The following EIF3L variants were observed in gnomAD, a reference collection of about 807,000 sequenced individuals.
EIF3L encodes eIEF associated protein HSPC021.
EIF3L carries 32 observed loss-of-function variants against 74.6 expected under a neutral mutation model. That is an observed-to-expected ratio of 0.43 (90% CI 0.32 to 0.58). The LOEUF (loss-of-function observed/expected upper bound fraction) is 0.58, where lower values mean the gene tolerates loss of function less well. EIF3L is among the 20% of genes least tolerant of loss of function. The pLI is 0.06. For synonymous variants in EIF3L, 256 were observed against 254.4 expected (o/e 1.01, Z -0.06); for missense variants, 474 against 707.8 (o/e 0.67, Z 3.75).
rs934266268 is a variant in EIF3L, at chr22:37,856,844, C to CA, written c.373+1213dup. The stretch of plus-strand genomic sequence containing the variant: ...GGGCAACAAGAGCGAAACTCCGCCT[C>CA]AAAAAAAAAAAAAGAAAGAAAGAAA... On this transcript the variant is annotated intron_variant, in intron 4 of 12. Coordinates refer to ENST00000652021, the MANE Select transcript of EIF3L (RefSeq NM_016091.4). Among the ~76,000 whole-genome samples the CA allele has an allele frequency of 5.3e-3, 586 of 110,778 alleles. 3 individuals carry two copies. The highest frequency in any genetic ancestry group is 0.013 in the African/African-American group (403 of 30,530). 72.7% of individuals were successfully genotyped at this position (110,778 alleles called of 152,430 possible).
At chr22:37,859,214 G>C (rs1196152472) in intron 5 of EIF3L, among the ~76,000 whole-genome samples, 1 of 151,690 alleles carries the variant, frequency 6.6e-6, no homozygotes, top group Non-Finnish European at 1.5e-5. Context: ...GAGGTGCCAA[G>C]AGGTTACCTT....
chr22:37,855,821 A>G (rs985430162), intron 4 of EIF3L, among the ~76,000 whole-genome samples, 177 bp downstream of exon 4: 7 of 152,114 alleles, frequency 4.6e-5, no homozygotes, highest in African/African-American at 1.7e-4. Flanking sequence ...TTAAGAGAGG[A>G]CAGAGATCTC....
At chr22:37,866,005 G>T (rs924168314) in intron 7 of EIF3L, among the ~76,000 whole-genome samples, 2 of 152,192 alleles carry the variant, frequency 1.3e-5, no homozygotes, top group African/African-American at 4.8e-5. Context: ...GCCACATGGG[G>T]TAGGTGGCTC....
At chr22:37,873,824 A>G (rs1926607536) in intron 8 of EIF3L, among the ~76,000 whole-genome samples, 2 of 152,122 alleles carry the variant, frequency 1.3e-5, no homozygotes, top group Admixed American at 6.6e-5. Flanking sequence ...CGGCCTCTCA[A>G]GTTGCTGGGA....
chr22:37,880,786 G>C (rs1927010015), intron 11 of EIF3L: 1 of 152,168 alleles, frequency 6.6e-6, no homozygotes, highest in South Asian at 2.1e-4. Context: ...GTCCTGTCCT[G>C]ATGTCTAACA....
intron 4 of EIF3L, among the ~76,000 whole-genome samples, chr22:37,857,608 G>T (rs899114917): frequency 8.6e-5 from 13 of 151,050 alleles, no homozygotes; most frequent in Non-Finnish European, 1.8e-4. Context: ...GCAGTGGCGC[G>T]ATCTCTGCTC....
At chr22:37,867,911 C>T (rs374062447) in intron 7 of EIF3L, among the ~76,000 whole-genome samples, 17 of 144,858 alleles carry the variant, frequency 1.2e-4, no homozygotes, top group African/African-American at 4.1e-4. Flanking sequence ...GCCGAGATTG[C>T]ACCACTGCAC....
chr22:37,852,427 A>G (rs2146010342), intron 3 of EIF3L, among the ~76,000 whole-genome samples: 1 of 152,320 alleles, frequency 6.6e-6, no homozygotes, highest in South Asian at 2.1e-4. Context: ...TATCAGAGCA[A>G]GCTGAACTCC....
At chr22:37,874,679 G>A (rs1171561586) in intron 9 of EIF3L, among the ~76,000 whole-genome samples, 155 bp downstream of exon 9, 1 of 152,130 alleles carries the variant, frequency 6.6e-6, no homozygotes, top group Non-Finnish European at 1.5e-5. Context: ...AACAGCTGTG[G>A]TAAAAAGCTA....
At position 37,865,028 on chromosome 22, in the gene EIF3L, A is replaced by G. The variant is rs141286112; in HGVS notation, c.579+1683A>G. Among the ~76,000 whole-genome samples the G allele has an allele frequency of 5.3e-5, 8 of 152,290 alleles. No individual in the cohort carries two copies. In the East Asian group the frequency reaches 1.5e-3, roughly 29 times the overall value. ...TGCCTGTTGATTGTGATGATGTTCA[A>G]TGTCATCATTATTCTTTTCCATCTT... On this transcript the variant is annotated intron_variant, in intron 7 of 12. Transcript: ENST00000652021.
chr22:37,849,470 T>G lies in EIF3L; in HGVS notation c.21T>G (p.Asp7Glu). MSYPAD[D>E]YESEAAYDPY... ...CAGCCATGTCTTATCCCGCTGATGA[T>G]TATGAGTCTGAGGTAAGGTGGCCGT... The change falls in exon 1 of 13, where the codon GAT becomes GAG. Residue 7 changes from aspartate (D) to glutamate (E), a missense_variant. By Grantham distance (45) the Asp-to-Glu change is conservative. Around this residue, in one of 4 missense-constraint regions of EIF3L, gnomAD observed 39 missense variants for 24.2 expected, o/e 1.61. Transcript: ENST00000652021. 1 of 1,610,562 alleles carries G rather than the reference T, an allele frequency of 6.2e-7. No homozygotes were observed. The highest frequency in any genetic ancestry group is 2.2e-5 in the East Asian group (1 of 44,528).
At chr22:37,866,672 G>T (rs2145819066) in intron 7 of EIF3L, among the ~76,000 whole-genome samples, 2 of 152,224 alleles carry the variant, frequency 1.3e-5, no homozygotes, top group Middle Eastern at 3.4e-3. Context: ...TGTAATCCCA[G>T]CTATTTAGGA....
chr22:37,874,316 T>C, intron 8 of EIF3L, 54 bp from the exon 9 acceptor site: 1 of 1,575,260 alleles, frequency 6.3e-7, no homozygotes, highest in Non-Finnish European at 8.6e-7. Context: ...AGAGGTCAGG[T>C]GTGCCTGCCT....
At chr22:37,858,790 CTG>C (rs772103877) in intron 5 of EIF3L, 50 bp downstream of exon 5, 209 of 1,510,302 alleles carry the variant, frequency 1.4e-4, no homozygotes, top group Non-Finnish European at 1.8e-4. Flanking sequence ...TTTTTTAACT[CTG>C]TGCTGTTTTT....
At chr22:37,870,538 T>C (rs1926414862) in intron 8 of EIF3L, among the ~76,000 whole-genome samples, 191 bp downstream of exon 8, 1 of 151,950 alleles carries the variant, frequency 6.6e-6, no homozygotes, top group Non-Finnish European at 1.5e-5. Context: ...GGCTTGGGAG[T>C]CCATTGGCCA....
chr22:37,849,475 A>T lies in EIF3L; in HGVS notation c.26A>T (p.Glu9Val). 1 of 1,606,538 alleles carries T rather than the reference A, an allele frequency of 6.2e-7. No homozygotes were observed. Among genetic ancestry groups the T allele is most frequent in the Non-Finnish European group, 8.5e-7 (1 of 1,175,160 alleles). Residue 9 changes from glutamate (E) to valine (V), a missense_variant, in exon 1 of 13, where the codon GAG becomes GTG. Physicochemically the swap from Glu to Val is moderately radical, Grantham distance 121. Coordinates refer to ENST00000652021, the MANE Select transcript of EIF3L (RefSeq NM_016091.4). MSYPADDY[E>V]SEAAYDPYAY... Reference sequence around the variant, plus strand: ...ATGTCTTATCCCGCTGATGATTATGAGTCTGAGGTAAGGTGGCCGTAAGGG... The same window carrying T: ...ATGTCTTATCCCGCTGATGATTATGTGTCTGAGGTAAGGTGGCCGTAAGGG...
Position 37,863,346 on chromosome 22 carries a change from G to T in EIF3L, c.579+1G>T, listed in dbSNP as rs113036185. ...TATTATCGATGAGTTCATCTACCAG[G>T]TATCTGGTCAGCTTCAGCCTAATTT... On this transcript the variant is annotated splice_donor_variant, in intron 7 of 12. Coordinates refer to ENST00000652021, the MANE Select transcript of EIF3L (RefSeq NM_016091.4). LOFTEE classifies it high-confidence loss of function. The T allele has an allele frequency of 6.2e-7, 1 of 1,609,588 alleles. No individual in the cohort carries two copies. Among genetic ancestry groups the T allele is most frequent in the Non-Finnish European group, 8.5e-7 (1 of 1,176,420 alleles).
chr22:37,851,422 G>T lies in EIF3L; in HGVS notation c.225G>T (p.Gln75His). ...DLIDQKVYEL[Q>H]ASRVSSDVID... Reference sequence around the variant, plus strand: ...TTGACCAGAAAGTGTATGAGCTACAGGCCAGTCGTGTCTCCAGTGATGTCA... The same window carrying T: ...TTGACCAGAAAGTGTATGAGCTACATGCCAGTCGTGTCTCCAGTGATGTCA... The change falls in exon 3 of 13, where the codon CAG (glutamine) becomes CAT (histidine). Residue 75 changes from glutamine to histidine, a missense_variant. Coordinates refer to ENST00000652021, the MANE Select transcript of EIF3L (RefSeq NM_016091.4). 1 of 1,614,078 alleles carries T rather than the reference G, an allele frequency of 6.2e-7. No individual in the cohort carries two copies. The highest frequency in any genetic ancestry group is 8.5e-7 in the Non-Finnish European group (1 of 1,180,016).
At chr22:37,866,191 C>T (rs1337701875) in intron 7 of EIF3L, among the ~76,000 whole-genome samples, 1 of 152,168 alleles carries the variant, frequency 6.6e-6, no homozygotes, top group Non-Finnish European at 1.5e-5. Context: ...GAGATCACTT[C>T]AAAAATGGTT....
Sources: gnomAD v4.1 joint callset for allele counts (sites outside exome capture counted in the v4.1 genomes callset) on GRCh38, gnomAD v4.1.1 for gene constraint, gnomAD v4.1.1 regional missense constraint, MANE v1.5 for transcripts, NCBI Gene and HGNC (gene_info 2026-07-23, HGNC 2026-07-21) for gene names.